Variants in RUNX1 observed in about 807,000 individuals in gnomAD.
RUNX1 encodes RUNX family transcription factor 1.
A neutral mutation model predicts 42.8 loss-of-function variants in RUNX1; 19 were observed. The ratio of observed to expected loss-of-function variants is 0.44; its 90% CI spans 0.31 to 0.65. The LOEUF (loss-of-function observed/expected upper bound fraction) is 0.65, where lower values mean the gene tolerates loss of function less well. Among genes scored for constraint, RUNX1 ranks in the 30% least tolerant of loss-of-function variants. RUNX1 has a pLI of 0.07. For synonymous variants in RUNX1, 271 were observed against 289.4 expected, an observed-to-expected ratio of 0.94 and a Z score of 0.64; for missense variants, 528 against 672.0, an observed-to-expected ratio of 0.79 and a Z score of 2.37.
intron 7 of RUNX1, among the ~76,000 whole-genome samples, chr21:34,825,927 C>A (rs1218888544): frequency 6.6e-6 from 1 of 152,174 alleles, no homozygotes; most frequent in Non-Finnish European, 1.5e-5. Flanking sequence ...AGGAATGCCA[C>A]CAGTGGCTGG....
At chr21:35,013,312 T>C (rs1387912056) in intron 2 of RUNX1, among the ~76,000 whole-genome samples, 4 of 152,326 alleles carry the variant, frequency 2.6e-5, no homozygotes, top group Admixed American at 2.6e-4. Context: ...CCTTGCATAT[T>C]ATAAAATCTA....
At chr21:34,855,565 A>G (rs575382610) in intron 6 of RUNX1, among the ~76,000 whole-genome samples, 3 of 152,014 alleles carry the variant, frequency 2.0e-5, no homozygotes, top group Non-Finnish European at 4.4e-5. Context: ...ATTAGCTGGG[A>G]GTGGTTGTGG....
rs889033181 is a variant in RUNX1, at chr21:34,790,226, A to AAT, written c.*1907_*1908dup. On this transcript the variant is annotated 3_prime_UTR_variant, in exon 9 of 9. Transcript: ENST00000675419. ...CTGCATGTGTGTAAAACAAATAATC[A>AAT]ATATATATATAAGAAAACTCAAAAA... 3.4e-5 allele frequency: 8 copies of AAT among 233,232 alleles called. No homozygotes were observed. The highest frequency in any genetic ancestry group is 6.1e-5 in the East Asian group (1 of 16,460). The allele number at this position is 233,232 out of a possible 1,614,324, so 14.4% of individuals were successfully genotyped here. A position where few individuals can be genotyped will look rare whatever the true frequency, so the allele number is the denominator to read the frequency against.
At chr21:34,869,372 T>C (rs2057706732) in intron 5 of RUNX1, among the ~76,000 whole-genome samples, 1 of 152,210 alleles carries the variant, frequency 6.6e-6, no homozygotes, top group African/African-American at 2.4e-5. Context: ...CTGGCACATC[T>C]GAGTCCTACA....
intron 2 of RUNX1, among the ~76,000 whole-genome samples, chr21:34,902,250 G>A (rs764884140): frequency 1.1e-4 from 17 of 152,196 alleles, no homozygotes; most frequent in Non-Finnish European, 2.4e-4. Context: ...AAATAACAGA[G>A]TGATTTTAAT....
chr21:34,993,132 T>C (rs2058958567), intron 2 of RUNX1, among the ~76,000 whole-genome samples: 1 of 152,238 alleles, frequency 6.6e-6, no homozygotes, highest in South Asian at 2.1e-4. Context: ...TCTGCTCTAC[T>C]TCTAGGGTGA....
chr21:34,835,652 T>A (rs2146083584), intron 6 of RUNX1, among the ~76,000 whole-genome samples: 1 of 152,344 alleles, frequency 6.6e-6, no homozygotes, highest in South Asian at 2.1e-4. Context: ...CATTCATTTC[T>A]CTTTTAAAGA....
At chr21:35,018,099 C>T (rs1001119963) in intron 2 of RUNX1, among the ~76,000 whole-genome samples, 2 of 152,136 alleles carry the variant, frequency 1.3e-5, no homozygotes, top group East Asian at 3.8e-4. Flanking sequence ...AATCTTGGCT[C>T]ACGTCAACCT....
At chr21:35,027,555 G>A (rs2059246386) in intron 2 of RUNX1, among the ~76,000 whole-genome samples, 1 of 152,158 alleles carries the variant, frequency 6.6e-6, no homozygotes, top group Non-Finnish European at 1.5e-5. Flanking sequence ...CCTTGCTAAT[G>A]GAAAATGGAA....
chr21:34,977,663 T>C (rs1209848745), intron 2 of RUNX1, among the ~76,000 whole-genome samples: 1 of 152,222 alleles, frequency 6.6e-6, no homozygotes, highest in African/African-American at 2.4e-5. Context: ...CTGGATTATG[T>C]GTGACTTCAC....
chr21:34,848,591 T>G (rs979600370), intron 6 of RUNX1, among the ~76,000 whole-genome samples: 1 of 152,110 alleles, frequency 6.6e-6, no homozygotes, highest in South Asian at 2.1e-4. Context: ...CCTGCCACCA[T>G]GCCCGGCTAA....
intron 2 of RUNX1, among the ~76,000 whole-genome samples, chr21:35,002,567 A>C (rs1184685289): frequency 1.3e-5 from 2 of 151,994 alleles, no homozygotes; most frequent in Non-Finnish European, 2.9e-5. Flanking sequence ...AGCTGGGACT[A>C]CAGGCACACG....
intron 6 of RUNX1, among the ~76,000 whole-genome samples, chr21:34,857,391 G>A (rs9984858): frequency 0.024 from 3,672 of 152,240 alleles, 113 homozygotes; most frequent in African/African-American, 0.073. Flanking sequence ...AGTCAGAGTC[G>A]CCACCATTTG....
chr21:34,813,002 TCA>T (rs2056777282), intron 7 of RUNX1, among the ~76,000 whole-genome samples: 1 of 152,136 alleles, frequency 6.6e-6, no homozygotes. Flanking sequence ...GCTAAGTAAC[TCA>T]CATTTTTTTC....
At chr21:35,047,182 G>A (rs1020846820) in intron 2 of RUNX1, among the ~76,000 whole-genome samples, 7 of 152,084 alleles carry the variant, frequency 4.6e-5, no homozygotes, top group Admixed American at 3.9e-4. Context: ...AACAATACAC[G>A]TTCTGAGGGG....
chr21:34,944,450 A>G (rs2058549951), intron 2 of RUNX1, among the ~76,000 whole-genome samples: 2 of 152,232 alleles, frequency 1.3e-5, no homozygotes, highest in Non-Finnish European at 2.9e-5. Flanking sequence ...AGAATTTGGC[A>G]AGGAGACTAT....
chr21:34,926,255 G>A (rs1219447133), intron 2 of RUNX1, among the ~76,000 whole-genome samples: 1 of 151,602 alleles, frequency 6.6e-6, no homozygotes, highest in Non-Finnish European at 1.5e-5. Flanking sequence ...TGGGCAGACT[G>A]CTTGACCCCA....
At chr21:34,973,663 C>A (rs114045365) in intron 2 of RUNX1, among the ~76,000 whole-genome samples, 2,551 of 152,258 alleles carry the variant, frequency 0.017, 67 homozygotes, top group African/African-American at 0.058. Context: ...ACAACACAAA[C>A]CTCCCTCCAT....
At chr21:34,906,282 T>C (rs1300689509) in intron 2 of RUNX1, among the ~76,000 whole-genome samples, 1 of 152,156 alleles carries the variant, frequency 6.6e-6, no homozygotes. Flanking sequence ...AGAAACTGGG[T>C]TGGTTCGTCA....
Sources: gnomAD v4.1 joint callset for allele counts (sites outside exome capture counted in the v4.1 genomes callset) on GRCh38, gnomAD v4.1.1 for gene constraint, MANE v1.5 for transcripts, NCBI Gene and HGNC (gene_info 2026-07-23, HGNC 2026-07-21) for gene names.